The following CSMD1 variants were observed in gnomAD, a reference collection of about 807,000 sequenced individuals.
The protein encoded by CSMD1 is CUB and sushi domain-containing protein 1.
Under a neutral mutation model 417.5 loss-of-function variants are expected in CSMD1, and 213 were observed. The observed-to-expected ratio is 0.51, with a 90% CI of 0.46 to 0.57. CSMD1 has a LOEUF of 0.57. Ranked by LOEUF, CSMD1 falls within the 20% of genes least tolerant of loss-of-function variation. The pLI is 0.00. For missense variants in CSMD1, 6,923 were observed against 4,529.7 expected, an observed-to-expected ratio of 1.53 and a Z score of -15.17; for synonymous variants, 2,862 against 1,736.8, an observed-to-expected ratio of 1.65 and a Z score of -16.11.
intron 24 of CSMD1, among the ~76,000 whole-genome samples, 167 bp from the exon 25 acceptor site, chr8:3,307,988 C>T (rs1443271496): frequency 6.6e-6 from 1 of 152,078 alleles, no homozygotes. Context: ...CAAATCATTA[C>T]CTCTGTGGAA....
At chr8:4,786,311 G>T (rs962415122) in intron 1 of CSMD1, among the ~76,000 whole-genome samples, 1 of 151,976 alleles carries the variant, frequency 6.6e-6, no homozygotes, top group African/African-American at 2.4e-5. Flanking sequence ...CTACAACCAG[G>T]TTTATTTTAA....
At chr8:4,291,523 A>G (rs892528927) in intron 3 of CSMD1, among the ~76,000 whole-genome samples, 4 of 152,200 alleles carry the variant, frequency 2.6e-5, no homozygotes, top group African/African-American at 9.6e-5. Context: ...TTCGGAAAGT[A>G]CATTTTGATT....
rs180855407 is a variant in CSMD1 at position 3,462,097 on chromosome 8, T to C, written c.1561+6615A>G. Among the ~76,000 whole-genome samples, 1,302 of 138,068 alleles carry C rather than the reference T, an allele frequency of 9.4e-3. 12 individuals carry two copies. Among genetic ancestry groups the C allele is most frequent in the Non-Finnish European group, 0.016 (975 of 62,864 alleles). 90.6% of individuals were successfully genotyped at this position (138,068 alleles called of 152,430 possible). A position where few individuals can be genotyped will look rare whatever the true frequency, so the allele number is the denominator to read the frequency against. Reference sequence around the variant, plus strand: ...GCTGTATTTGATCCCAAGGGCACCATTTGGGTGCTCTCTTCAGAATCCAGG... The same window carrying C: ...GCTGTATTTGATCCCAAGGGCACCACTTGGGTGCTCTCTTCAGAATCCAGG... On this transcript the variant is annotated intron_variant, in intron 12 of 69. Transcript: ENST00000635120.
chr8:4,883,891 A>G (rs1375411852), intron 1 of CSMD1, among the ~76,000 whole-genome samples: 1 of 152,018 alleles, frequency 6.6e-6, no homozygotes, highest in African/African-American at 2.4e-5. Context: ...TATGTCTAAC[A>G]TTTTGAGGAA....
chr8:4,969,288 G>A (rs759019668), intron 1 of CSMD1, among the ~76,000 whole-genome samples: 4 of 151,816 alleles, frequency 2.6e-5, no homozygotes, highest in Non-Finnish European at 5.9e-5. Flanking sequence ...CAATTTGCTA[G>A]GGCAAAATAT....
Position 4,017,062 on chromosome 8 carries a change from G to A in CSMD1, c.610+14843C>T, listed in dbSNP as rs191105907. Among the ~76,000 whole-genome samples, 250 of 152,292 alleles carry A rather than the reference G, an allele frequency of 1.6e-3. 3 individuals carry two copies. The highest frequency in any genetic ancestry group is 5.7e-3 in the African/African-American group (235 of 41,538). On this transcript the variant is annotated intron_variant, in intron 4 of 69. Transcript: ENST00000635120. ...AAGGAACAAAAGCAGATATTCATCC[G>A]GAGGCAAGACTTCAGAATGTACTCA...
At chr8:4,143,717 G>T (rs1430178585) in intron 3 of CSMD1, among the ~76,000 whole-genome samples, 1 of 151,006 alleles carries the variant, frequency 6.6e-6, no homozygotes, top group Non-Finnish European at 1.5e-5. Flanking sequence ...ACAAAGGAAA[G>T]AAACATAGGA....
intron 26 of CSMD1, among the ~76,000 whole-genome samples, chr8:3,237,852 C>T (rs1178780805): frequency 3.9e-5 from 3 of 77,450 alleles, no homozygotes; most frequent in African/African-American, 1.6e-4. Context: ...TATACTTATA[C>T]TATAAATATA....
At chr8:3,256,085 T>TG (rs555398215) in intron 26 of CSMD1, among the ~76,000 whole-genome samples, 1 of 151,980 alleles carries the variant, frequency 6.6e-6, no homozygotes, top group Admixed American at 6.6e-5. Flanking sequence ...CCCAGGACTT[T>TG]GGGGGGCTGA....
At chr8:3,112,713 G>T (rs1816593835) in intron 42 of CSMD1, among the ~76,000 whole-genome samples, 1 of 152,180 alleles carries the variant, frequency 6.6e-6, no homozygotes, top group African/African-American at 2.4e-5. Context: ...GAATAGTGAT[G>T]AAGAGAGATA....
chr8:3,428,640 G>A (rs1446958155), intron 12 of CSMD1, among the ~76,000 whole-genome samples: 1 of 152,108 alleles, frequency 6.6e-6, no homozygotes, highest in Non-Finnish European at 1.5e-5. Context: ...ATGGAAAACA[G>A]TATGCAGCTT....
intron 6 of CSMD1, among the ~76,000 whole-genome samples, chr8:3,720,654 C>CACACACACACA (rs1166821267): frequency 3.6e-4 from 55 of 152,066 alleles, no homozygotes; most frequent in Admixed American, 5.9e-4. Flanking sequence ...CACACACACA[C>CACACACACACA]ACCAGCACAT....
chr8:4,760,173 A>T (rs1375626420), intron 1 of CSMD1, among the ~76,000 whole-genome samples: 1 of 152,226 alleles, frequency 6.6e-6, no homozygotes, highest in Non-Finnish European at 1.5e-5. Context: ...AGGCTGCAAC[A>T]TCAGTGAACC....
chr8:4,664,130 C>T (rs768871896), intron 1 of CSMD1, among the ~76,000 whole-genome samples: 5 of 152,188 alleles, frequency 3.3e-5, no homozygotes, highest in Non-Finnish European at 7.3e-5. Context: ...CACACCTGGA[C>T]AGGTACACCA....
chr8:3,699,022 C>T (rs955540616), intron 7 of CSMD1, among the ~76,000 whole-genome samples: 1 of 152,220 alleles, frequency 6.6e-6, no homozygotes, highest in Non-Finnish European at 1.5e-5. Flanking sequence ...GTACCCACAT[C>T]CCACCTCAAG....
intron 3 of CSMD1, among the ~76,000 whole-genome samples, chr8:4,234,759 G>C (rs1305158928): frequency 1.3e-5 from 2 of 152,142 alleles, no homozygotes; most frequent in Non-Finnish European, 2.9e-5. Flanking sequence ...GCTGCTCCCA[G>C]AACAAAAGAT....
chr8:4,133,753 A>C (rs1464844948), intron 3 of CSMD1, among the ~76,000 whole-genome samples: 1 of 152,064 alleles, frequency 6.6e-6, no homozygotes, highest in African/African-American at 2.4e-5. Flanking sequence ...TTATTATTTT[A>C]TATCCCTGAT....
chr8:4,519,892 A>T (rs2130389179), intron 2 of CSMD1, among the ~76,000 whole-genome samples: 1 of 151,290 alleles, frequency 6.6e-6, no homozygotes, highest in African/African-American at 2.4e-5. Flanking sequence ...GTGAATTCCA[A>T]ACAGTAATGT....
chr8:4,528,092 G>C (rs140063957), intron 2 of CSMD1, among the ~76,000 whole-genome samples: 3 of 152,244 alleles, frequency 2.0e-5, no homozygotes, highest in Non-Finnish European at 4.4e-5. Flanking sequence ...GCTTCAGATG[G>C]GTTTGCATTT....
Sources: allele counts gnomAD v4.1 joint callset (sites outside exome capture counted in the v4.1 genomes callset), GRCh38; gene constraint gnomAD v4.1.1; transcripts MANE v1.5; gene names NCBI Gene and HGNC (gene_info 2026-07-23, HGNC 2026-07-21).